Variants in SLC4A10 observed in about 807,000 individuals in gnomAD.
The protein encoded by SLC4A10 is sodium-driven chloride bicarbonate exchanger.
SLC4A10 carries 42 observed loss-of-function variants against 137.7 expected under a neutral mutation model. The observed-to-expected ratio is 0.30, with a 90% confidence interval of 0.24 to 0.39. The LOEUF (loss-of-function observed/expected upper bound fraction) is 0.39. Ranked by LOEUF, SLC4A10 falls within the 10% of genes least tolerant of loss-of-function variation. The probability of loss-of-function intolerance (pLI) is 1.00; values close to 1 mark genes in which losing one functional copy is unlikely to be tolerated. For synonymous variants in SLC4A10, 474 were observed against 464.1 expected (o/e 1.02, Z -0.27); for missense variants, 925 against 1,355.0 (o/e 0.68, Z 4.98).
At chr2:161,636,161 T>G in intron 1 of SLC4A10, among the ~76,000 whole-genome samples, 1 of 152,196 alleles carries the variant, frequency 6.6e-6, no homozygotes, top group East Asian at 1.9e-4. Context: ...AAATTTTTTT[T>G]GAAATTCATG....
At chr2:161,656,684 C>T (rs1451027124) in intron 1 of SLC4A10, among the ~76,000 whole-genome samples, 2 of 152,100 alleles carry the variant, frequency 1.3e-5, no homozygotes, top group African/African-American at 4.8e-5. Flanking sequence ...GTGCCTGAGT[C>T]ACCAGCTGAC....
chr2:161,708,611 A>G lies in SLC4A10; in HGVS notation c.49-62362A>G. The G allele has an allele frequency of 2.9e-6, 4 of 1,362,370 alleles. No homozygotes were observed. The South Asian group carries it at 4.6e-5, about 16-fold the overall frequency. 84.4% of individuals were successfully genotyped at this position (1,362,370 alleles called of 1,614,324 possible). A position where few individuals can be genotyped will look rare whatever the true frequency, so the allele number is the denominator to read the frequency against. ...TGTAACTGCACAGGGGAGATGATAA[A>G]TAGTATATGTGATTTGATATCTTGA... On this transcript the variant is annotated intron_variant, in intron 1 of 26. Transcript: ENST00000446997.
intron 3 of SLC4A10, among the ~76,000 whole-genome samples, chr2:161,818,604 G>C (rs2057332283): frequency 1.3e-5 from 2 of 152,094 alleles, no homozygotes; most frequent in African/African-American, 4.8e-5. Context: ...GTATGATATT[G>C]GCTGTGGGTT....
chr2:161,921,200 T>C (rs751238974), intron 15 of SLC4A10, among the ~76,000 whole-genome samples: 2 of 152,246 alleles, frequency 1.3e-5, no homozygotes, highest in African/African-American at 2.4e-5. Context: ...GAGTTTATTG[T>C]ATGTGGCATA....
At chr2:161,680,795 T>C (rs1416146111) in intron 1 of SLC4A10, among the ~76,000 whole-genome samples, 1 of 152,098 alleles carries the variant, frequency 6.6e-6, no homozygotes, top group African/African-American at 2.4e-5. Context: ...ATAAGGAATA[T>C]TATTTTAATA....
intron 2 of SLC4A10, among the ~76,000 whole-genome samples, chr2:161,783,185 A>G (rs2053242701): frequency 6.6e-6 from 1 of 152,050 alleles, no homozygotes; most frequent in African/African-American, 2.4e-5. Flanking sequence ...TGATAGATTC[A>G]CAATGCTGGG....
At chr2:161,886,449 A>G (rs1158378206) in intron 10 of SLC4A10, among the ~76,000 whole-genome samples, 2 of 152,202 alleles carry the variant, frequency 1.3e-5, no homozygotes, top group East Asian at 3.8e-4. Context: ...AGTAGTCTCT[A>G]CTAGATCCTG....
At chr2:161,771,800 T>G (rs1052250789) in intron 2 of SLC4A10, among the ~76,000 whole-genome samples, 5 of 151,926 alleles carry the variant, frequency 3.3e-5, no homozygotes, top group African/African-American at 9.7e-5. Context: ...AGCTAATTGT[T>G]ACTAATGAGA....
intron 23 of SLC4A10, 93 bp downstream of exon 23, chr2:161,965,266 G>T (rs960714541): frequency 7.4e-7 from 1 of 1,354,328 alleles, no homozygotes; most frequent in Non-Finnish European, 9.9e-7. Flanking sequence ...TCTTTAGACA[G>T]TTTTGTCTTT....
intron 3 of SLC4A10, among the ~76,000 whole-genome samples, chr2:161,816,427 C>G (rs1474428533): frequency 6.6e-6 from 1 of 152,002 alleles, no homozygotes; most frequent in South Asian, 2.1e-4. Flanking sequence ...AATTATGAAG[C>G]AAGCATCAAT....
At chr2:161,820,498 C>A (rs930404316) in intron 3 of SLC4A10, among the ~76,000 whole-genome samples, 1 of 152,070 alleles carries the variant, frequency 6.6e-6, no homozygotes, top group African/African-American at 2.4e-5. Flanking sequence ...GAATCTCTGG[C>A]CTTTCTTTTT....
chr2:161,913,048 G>A (rs537367005), intron 15 of SLC4A10, among the ~76,000 whole-genome samples: 2 of 152,100 alleles, frequency 1.3e-5, no homozygotes, highest in Non-Finnish European at 2.9e-5. Context: ...AGGAGAGCTG[G>A]AACTTCAGTG....
At chr2:161,677,730 T>C (rs1445013291) in intron 1 of SLC4A10, among the ~76,000 whole-genome samples, 1 of 152,182 alleles carries the variant, frequency 6.6e-6, no homozygotes, top group Admixed American at 6.6e-5. Flanking sequence ...ATAGGTTCTG[T>C]TACTATGTTT....
rs199939719 is a variant in SLC4A10 at position 161,767,170 on chromosome 2, TTA to T, written c.49-3795_49-3794del. On this transcript the variant is annotated intron_variant, in intron 1 of 26. Transcript: ENST00000446997. ...GTGTGTGTGTGTGTGTGTGTTTTATTTATATATATGTGTGTGTGTGTGTGTGT... is the reference window on the plus strand; with the variant it reads ...GTGTGTGTGTGTGTGTGTGTTTTATTTATATATGTGTGTGTGTGTGTGTGT... Among the ~76,000 whole-genome samples, 531 of 39,188 alleles carry T rather than the reference TTA, an allele frequency of 0.014. 10 individuals are homozygous for T. The East Asian group carries it at 0.15, about 11-fold the overall frequency. 25.7% of individuals were successfully genotyped at this position (39,188 alleles called of 152,430 possible).
intron 5 of SLC4A10, among the ~76,000 whole-genome samples, chr2:161,855,572 T>G (rs2060053773): frequency 6.6e-6 from 1 of 152,154 alleles, no homozygotes; most frequent in African/African-American, 2.4e-5. Flanking sequence ...TTAAAACCCT[T>G]GAATTCCAGA....
intron 23 of SLC4A10, among the ~76,000 whole-genome samples, chr2:161,971,610 G>C (rs1698550665): frequency 6.6e-6 from 1 of 152,162 alleles, no homozygotes; most frequent in Admixed American, 6.5e-5. Context: ...ATCTGATTGA[G>C]ATAACCTAGG....
chr2:161,692,589 A>G (rs1567981), intron 1 of SLC4A10, among the ~76,000 whole-genome samples: 119,790 of 151,920 alleles, frequency 0.79, 47,647 homozygotes, highest in Middle Eastern at 0.86. Flanking sequence ...TTGAGTGTTA[A>G]CGTTGCTAAT....
chr2:161,747,676 T>A (rs2048526254), intron 1 of SLC4A10, among the ~76,000 whole-genome samples: 2 of 152,250 alleles, frequency 1.3e-5, no homozygotes, highest in Middle Eastern at 6.8e-3. Flanking sequence ...AGACTGAATG[T>A]TATTCTGTTA....
At chr2:161,960,476 A>G (rs1696490749) in intron 21 of SLC4A10, among the ~76,000 whole-genome samples, 1 of 151,754 alleles carries the variant, frequency 6.6e-6, no homozygotes, top group African/African-American at 2.4e-5. Context: ...CACACTTCTA[A>G]TGCCAGACCA....
Sources: gnomAD v4.1 joint callset for allele counts (sites outside exome capture counted in the v4.1 genomes callset) on GRCh38, gnomAD v4.1.1 for gene constraint, MANE v1.5 for transcripts, NCBI Gene and HGNC (gene_info 2026-07-23, HGNC 2026-07-21) for gene names.